Variants in SMOC2 observed in about 807,000 individuals in gnomAD.
SMOC2 encodes SPARC-related modular calcium-binding protein 2.
SMOC2 carries 39 observed loss-of-function variants against 61.4 expected under a neutral mutation model. The observed-to-expected ratio is 0.64, with a 90% CI of 0.49 to 0.83. The LOEUF (loss-of-function observed/expected upper bound fraction) is 0.83. SMOC2 is among the 40% of genes least tolerant of loss of function. The pLI, the probability that SMOC2 is intolerant of heterozygous loss-of-function variation, is 0.00. For synonymous variants in SMOC2, 247 were observed against 239.9 expected, an observed-to-expected ratio of 1.03 and a Z score of -0.27; for missense variants, 556 against 592.9, an observed-to-expected ratio of 0.94 and a Z score of 0.65.
At chr6:168,552,598 C>T (rs1784152553) in intron 7 of SMOC2, among the ~76,000 whole-genome samples, 1 of 152,180 alleles carries the variant, frequency 6.6e-6, no homozygotes, top group Non-Finnish European at 1.5e-5. Context: ...CCCATGTGCA[C>T]ACTAGCAAGA....
intron 1 of SMOC2, among the ~76,000 whole-genome samples, chr6:168,460,962 G>A (rs1309783372): frequency 1.3e-5 from 2 of 152,212 alleles, no homozygotes; most frequent in Non-Finnish European, 2.9e-5. Flanking sequence ...TAAACACAGA[G>A]GTTCTTCCCT....
chr6:168,464,281 TGGAA>T (rs1186258208), intron 1 of SMOC2, among the ~76,000 whole-genome samples: 13 of 146,936 alleles, frequency 8.8e-5, no homozygotes, highest in East Asian at 2.0e-4. Flanking sequence ...GAAGGAAGGA[TGGAA>T]GGAAGGAAGG....
intron 4 of SMOC2, among the ~76,000 whole-genome samples, chr6:168,538,597 A>G (rs181876536): frequency 3.1e-3 from 122 of 39,064 alleles, no homozygotes; most frequent in Non-Finnish European, 4.2e-3. Context: ...TGGGGAGCAG[A>G]GTGACCCCCT....
intron 1 of SMOC2, among the ~76,000 whole-genome samples, chr6:168,445,349 A>G (rs1011258835): frequency 2.0e-5 from 3 of 152,212 alleles, no homozygotes. Flanking sequence ...TGTGGAATGC[A>G]TGACCACAGA....
intron 1 of SMOC2, among the ~76,000 whole-genome samples, chr6:168,455,448 G>A (rs995448691): frequency 6.6e-6 from 1 of 152,198 alleles, no homozygotes; most frequent in African/African-American, 2.4e-5. Context: ...CCTGGCAGCT[G>A]GCTGTGGTGG....
At position 168,667,826 on chromosome 6, in the gene SMOC2, T is replaced by C. The variant is rs2115300000; in HGVS notation, c.*1388T>C. 6.6e-6 allele frequency: 1 copy of C among 152,298 alleles called. No individual in the cohort carries two copies. The highest frequency in any genetic ancestry group is 1.9e-4 in the East Asian group (1 of 5,176). The allele number at this position is 152,298 out of a possible 1,614,324, so 9.4% of individuals were successfully genotyped here. ...TAAGGCTTCTTGCTTATTTAAACTG[T>C]GCAAGGTAAAAATCAAGCCTTTGGA... is the stretch of plus-strand genomic sequence containing the variant. On this transcript the variant is annotated 3_prime_UTR_variant, in exon 13 of 13. Transcript: ENST00000356284.
intron 7 of SMOC2, among the ~76,000 whole-genome samples, chr6:168,557,772 A>C (rs1254912778): frequency 6.6e-6 from 1 of 152,194 alleles, no homozygotes; most frequent in Non-Finnish European, 1.5e-5. Flanking sequence ...TGTTGACCTC[A>C]TATGATGCTT....
At chr6:168,648,973 AGGGGTGGTCCACGCCAACGTGCCCTCG>A (rs1396988615) in intron 9 of SMOC2, among the ~76,000 whole-genome samples, 3 of 152,204 alleles carry the variant, frequency 2.0e-5, no homozygotes, top group South Asian at 2.1e-4. Flanking sequence ...CCCTTGACCC[AGGGGTGGTCCACGCCAACGTGCCCTCG>A]ACCCAGGGGT....
intron 8 of SMOC2, among the ~76,000 whole-genome samples, chr6:168,604,138 C>T (rs993760494): frequency 2.0e-5 from 3 of 152,198 alleles, no homozygotes; most frequent in Non-Finnish European, 4.4e-5. Context: ...AGGCAGGTTC[C>T]CCTCTTGGTC....
intron 7 of SMOC2, among the ~76,000 whole-genome samples, chr6:168,577,541 G>A (rs1230791251): frequency 1.3e-5 from 2 of 152,184 alleles, no homozygotes; most frequent in South Asian, 2.1e-4. Context: ...CACATGGCCT[G>A]TCTGCATGGG....
In SMOC2 at chr6:168,663,834, A is replaced by G. The variant is rs190799386; in HGVS notation, c.1286-240A>G. On this transcript the variant is annotated intron_variant, in intron 11 of 12. Coordinates refer to ENST00000356284, the MANE Select transcript of SMOC2 (RefSeq NM_001166412.2). ...TAGGAGGTGTTCAGATTATATTAAA[A>G]TATTACACGATAATATATAAGAAGC... 6.9e-3 allele frequency among the ~76,000 whole-genome samples: 1,047 copies of G among 152,328 alleles called. 13 individuals carry two copies. The highest frequency in any genetic ancestry group is 6.5e-3 in the Non-Finnish European group (440 of 68,032).
At chr6:168,617,488 A>G (rs1333877546) in intron 9 of SMOC2, among the ~76,000 whole-genome samples, 1 of 152,048 alleles carries the variant, frequency 6.6e-6, no homozygotes, top group East Asian at 1.9e-4. Flanking sequence ...CTGGAGCTAT[A>G]GTTTCTCCCA....
At chr6:168,514,600 A>G (rs181135340) in intron 2 of SMOC2, among the ~76,000 whole-genome samples, 1 of 152,362 alleles carries the variant, frequency 6.6e-6, no homozygotes, top group African/African-American at 2.4e-5. Context: ...AGAAAGGAGA[A>G]ACAATTTAAG....
At chr6:168,502,548 A>G (rs915799592) in intron 1 of SMOC2, among the ~76,000 whole-genome samples, 17 of 152,234 alleles carry the variant, frequency 1.1e-4, no homozygotes, top group African/African-American at 3.9e-4. Flanking sequence ...TTAAGGTCCT[A>G]TGGATACCCA....
chr6:168,493,279 C>A (rs889650925), intron 1 of SMOC2, among the ~76,000 whole-genome samples: 2 of 152,102 alleles, frequency 1.3e-5, no homozygotes, highest in Admixed American at 6.5e-5. Flanking sequence ...TCAGGAGATC[C>A]ACCTGCCTCG....
At chr6:168,539,684 A>C (rs536287810) in intron 4 of SMOC2, among the ~76,000 whole-genome samples, 16 of 152,328 alleles carry the variant, frequency 1.1e-4, no homozygotes, top group Non-Finnish European at 1.8e-4. Flanking sequence ...CACTTCCAGC[A>C]TCTGGAGCAG....
In SMOC2 at chr6:168,453,976, C is replaced by G. The variant is rs1781523516; in HGVS notation, c.84+12522C>G. ...CATTCTCCCTCTCTGTTTTGTCTAT[C>G]TTTCTTTGCCCCTCTATTTCTGTCT... On this transcript the variant is annotated intron_variant, in intron 1 of 12. Coordinates refer to ENST00000356284, the MANE Select transcript of SMOC2 (RefSeq NM_001166412.2). The surrounding 1 kb of genome is among the most constrained non-coding windows in gnomAD (Gnocchi z 4.4). 6.6e-6 allele frequency among the ~76,000 whole-genome samples: 1 copy of G among 152,068 alleles called. No homozygotes were observed. Among genetic ancestry groups the G allele is most frequent in the Admixed American group, 6.5e-5 (1 of 15,274 alleles).
At chr6:168,473,769 G>A (rs1055805159) in intron 1 of SMOC2, among the ~76,000 whole-genome samples, 1 of 152,096 alleles carries the variant, frequency 6.6e-6, no homozygotes, top group Non-Finnish European at 1.5e-5. Flanking sequence ...GTGCTGCCAA[G>A]GAAAGTGTCT....
intron 9 of SMOC2, among the ~76,000 whole-genome samples, chr6:168,637,910 TGCTGAGCTGGA>T: frequency 9.8e-6 from 1 of 102,262 alleles, no homozygotes; most frequent in Non-Finnish European, 2.5e-5. Flanking sequence ...GCGTGCTGTA[TGCTGAGCTGGA>T]GCTGGATGCT....
Sources: gnomAD v4.1 joint callset for allele counts (sites outside exome capture counted in the v4.1 genomes callset) on GRCh38, gnomAD v4.1.1 for gene constraint, Gnocchi (gnomAD v3.1) non-coding constraint, MANE v1.5 for transcripts, NCBI Gene and HGNC (gene_info 2026-07-23, HGNC 2026-07-21) for gene names.